The following KIF1A variants were observed in gnomAD, a reference collection of about 807,000 sequenced individuals.
KIF1A encodes the protein kinesin-like protein KIF1A.
Under a neutral mutation model 227.3 loss-of-function variants are expected in KIF1A, and 46 were observed. The ratio of observed to expected loss-of-function variants is 0.20; its 90% CI spans 0.16 to 0.26. The LOEUF (loss-of-function observed/expected upper bound fraction) is 0.26. Ranked by LOEUF, KIF1A falls within the 10% of genes least tolerant of loss-of-function variation. The pLI is 1.00. For missense variants in KIF1A, 1,683 were observed against 2,485.9 expected, an observed-to-expected ratio of 0.68 and a Z score of 6.87; for synonymous variants, 1,022 against 1,012.8, an observed-to-expected ratio of 1.01 and a Z score of -0.17.
intron 27 of KIF1A, among the ~76,000 whole-genome samples, chr2:240,751,212 C>A (rs374565600): frequency 1.3e-5 from 2 of 152,172 alleles, no homozygotes; most frequent in East Asian, 3.9e-4. Flanking sequence ...TACCTACGGT[C>A]GCCAGATAGC....
Position 240,777,749 on chromosome 2 carries a change from G to A in KIF1A, c.883-1823C>T, listed in dbSNP as rs190207116. On this transcript the variant is annotated intron_variant, in intron 10 of 48. Transcript: ENST00000498729. ...TCCCCCAGGCAGCTCCTGACAAGCC[G>A]GGAGGGACCTCGGATCCTCAGACGG... Among the ~76,000 whole-genome samples, 24 of 152,308 alleles carry A rather than the reference G, an allele frequency of 1.6e-4. No homozygotes were observed. The East Asian group carries it at 2.7e-3, about 17-fold the overall frequency.
chr2:240,804,674 A>G (rs1338501822), intron 1 of KIF1A, among the ~76,000 whole-genome samples: 1 of 152,124 alleles, frequency 6.6e-6, no homozygotes, highest in African/African-American at 2.4e-5. Flanking sequence ...AATCTGAATG[A>G]CGCCCAGCTC....
intron 12 of KIF1A, 133 bp from the exon 13 acceptor site, chr2:240,773,389 G>T: frequency 9.9e-7 from 1 of 1,013,378 alleles, no homozygotes; most frequent in Non-Finnish European, 1.4e-6. Flanking sequence ...ACCTGAGCCA[G>T]CACAGCCTGG....
chr2:240,749,473 G>A (rs1276678976), intron 28 of KIF1A, among the ~76,000 whole-genome samples: 1 of 152,172 alleles, frequency 6.6e-6, no homozygotes, highest in African/African-American at 2.4e-5. Context: ...CTGTCTGTCT[G>A]TACTACTCCC....
At position 240,726,785 on chromosome 2, in the gene KIF1A, C is replaced by T; in HGVS notation, c.4122+41G>A. 1 of 1,229,430 alleles carries T rather than the reference C, an allele frequency of 8.1e-7. No homozygotes were observed. The highest frequency in any genetic ancestry group is 1.2e-6 in the Non-Finnish European group (1 of 844,286). 76.2% of individuals were successfully genotyped at this position (1,229,430 alleles called of 1,614,324 possible). On this transcript the variant is annotated intron_variant, in intron 39 of 48. Transcript: ENST00000498729. This position sits in a 1 kb window ranked among gnomAD's most constrained non-coding sequence, Gnocchi z 5.2. ...TTACAAGAACCTCAAGCTTCAGGGG[C>T]TGAGTGGTTTTGGTGGAGTGCCCTG...
intron 21 of KIF1A, 25 bp downstream of exon 21, chr2:240,763,141 C>T (rs765706647): frequency 1.9e-6 from 3 of 1,604,826 alleles, no homozygotes; most frequent in Non-Finnish European, 2.5e-6. Context: ...GGGCAGCAGG[C>T]AGTTGGGGGT....
chr2:240,745,358 G>A (rs1218275427), intron 32 of KIF1A, 69 bp downstream of exon 32: 1 of 1,200,274 alleles, frequency 8.3e-7, no homozygotes, highest in Non-Finnish European at 1.2e-6. Flanking sequence ...GGGAGAATGA[G>A]CCATGCTCAG....
chr2:240,787,806 C>T (rs1010342382), intron 4 of KIF1A, among the ~76,000 whole-genome samples: 5 of 152,234 alleles, frequency 3.3e-5, no homozygotes, highest in Non-Finnish European at 7.3e-5. Flanking sequence ...GTGTCTTAGG[C>T]ACATGATCAA....
intron 1 of KIF1A, among the ~76,000 whole-genome samples, chr2:240,800,179 G>A (rs2056842405): frequency 6.6e-6 from 1 of 151,056 alleles, no homozygotes; most frequent in Non-Finnish European, 1.5e-5. Flanking sequence ...AGGGAATGAG[G>A]TAAGATCAGT....
At chr2:240,794,349 T>C (rs1007849885) in intron 2 of KIF1A, among the ~76,000 whole-genome samples, 1 of 152,222 alleles carries the variant, frequency 6.6e-6, no homozygotes, top group Non-Finnish European at 1.5e-5. Context: ...TCGGCCACTC[T>C]TTTCCCTCCC....
intron 15 of KIF1A, 134 bp downstream of exon 15, chr2:240,770,837 A>T: frequency 8.7e-7 from 1 of 1,151,554 alleles, no homozygotes; most frequent in Non-Finnish European, 1.2e-6. Context: ...GCCACACGCC[A>T]GAGGCTCCTG....
intron 38 of KIF1A, among the ~76,000 whole-genome samples, chr2:240,732,144 G>GAA (rs1373950073): frequency 2.0e-3 from 171 of 85,984 alleles, no homozygotes; most frequent in Non-Finnish European, 2.7e-3. Flanking sequence ...AGGGGATGAG[G>GAA]GATTGGGGAG....
rs1030649692 is a variant in KIF1A, at chr2:240,743,505, G to A, written c.3584+437C>T. Among the ~76,000 whole-genome samples the A allele has an allele frequency of 5.3e-5, 8 of 152,122 alleles. No individual in the cohort carries two copies. In the East Asian group the frequency reaches 5.8e-4, roughly 11 times the overall value. ...AGTCCTGACTTCATGCCCCAGCCCC[G>A]CAAGTCTCTCTGAGCCCCCATTTTC... On this transcript the variant is annotated intron_variant, in intron 33 of 48. Transcript: ENST00000498729.
At chr2:240,783,217 C>T (rs965937360) in intron 8 of KIF1A, 108 bp from the exon 9 acceptor site, 5 of 860,278 alleles carry the variant, frequency 5.8e-6, no homozygotes, top group Admixed American at 1.8e-5. Context: ...GAGGCCACCA[C>T]TGCAGCTGCT....
At position 240,788,069 on chromosome 2, in the gene KIF1A, C is replaced by G; in HGVS notation, c.345G>C (p.Gln115His). Residue 115 changes from glutamine to histidine, a missense_variant, in exon 4 of 49, where the codon CAG (glutamine) becomes CAC (histidine). Gln to His is a conservative substitution (Grantham distance 24). Around this residue, in one of 12 missense-constraint regions of KIF1A, gnomAD observed 75 missense variants for 131.2 expected, o/e 0.57. Transcript: ENST00000498729. This position sits in a 1 kb window ranked among gnomAD's most constrained non-coding sequence, Gnocchi z 6.6. ...TTCGTGCCTGTGGGATGATGCCCTG[C>G]TGGTCCTTCTCCTGCTTGCCCATCA... ...YTMMGKQEKD[Q>H]QGIIPQLCED... 6.4e-7 allele frequency: 1 copy of G among 1,568,790 alleles called. No individual in the cohort carries two copies.
chr2:240,742,853 C>T (rs552758522), intron 34 of KIF1A, 76 bp downstream of exon 34: 185 of 1,312,648 alleles, frequency 1.4e-4, no homozygotes, highest in Middle Eastern at 7.3e-4. Flanking sequence ...GCATTCACTG[C>T]GGGGGCCCAG....
At chr2:240,815,685 G>A (rs2058263886) in intron 1 of KIF1A, among the ~76,000 whole-genome samples, 1 of 152,218 alleles carries the variant, frequency 6.6e-6, no homozygotes, top group South Asian at 2.1e-4. Flanking sequence ...GCCCCCGTGG[G>A]GGTGGGAGAA....
chr2:240,789,851 C>T lies in KIF1A; in HGVS notation c.107-539G>A, dbSNP rs1346983847. On this transcript the variant is annotated intron_variant, in intron 2 of 48. Coordinates refer to ENST00000498729, the MANE Select transcript of KIF1A (RefSeq NM_001244008.2). The surrounding 1 kb of genome is among the most constrained non-coding windows in gnomAD (Gnocchi z 4.8). ...GTCTTCTGCCAGAGTCCCTCCTCCC[C>T]CTCCCTCCTCCACCCAACTTCAAGC... Among the ~76,000 whole-genome samples, 1 of 152,180 alleles carries T rather than the reference C, an allele frequency of 6.6e-6. No individual in the cohort carries two copies. Among genetic ancestry groups the T allele is most frequent in the Non-Finnish European group, 1.5e-5 (1 of 68,016 alleles).
At position 240,792,978 on chromosome 2, in the gene KIF1A, C is replaced by T. The variant is rs532912388; in HGVS notation, c.107-3666G>A. On this transcript the variant is annotated intron_variant, in intron 2 of 48. Coordinates refer to ENST00000498729, the MANE Select transcript of KIF1A (RefSeq NM_001244008.2). The surrounding 1 kb of genome is among the most constrained non-coding windows in gnomAD (Gnocchi z 4.5). ...AGAAGGGAACATATGCTGTTTAAGA[C>T]GCCCACTCTGCAGCGCACCTGGACC... 4.6e-5 allele frequency among the ~76,000 whole-genome samples: 7 copies of T among 152,310 alleles called. No individual in the cohort carries two copies. The highest frequency in any genetic ancestry group is 4.1e-4 in the South Asian group (2 of 4,826).
Sources: gnomAD v4.1 joint callset for allele counts (sites outside exome capture counted in the v4.1 genomes callset) on GRCh38, gnomAD v4.1.1 for gene constraint, gnomAD v4.1.1 regional missense constraint, Gnocchi (gnomAD v3.1) non-coding constraint, MANE v1.5 for transcripts, NCBI Gene and HGNC (gene_info 2026-07-23, HGNC 2026-07-21) for gene names.